VPS13A: variants seen among roughly 807,000 people sequenced by gnomAD.
VPS13A encodes vacuolar protein sorting 13 homolog A.
A neutral mutation model predicts 390.9 loss-of-function variants in VPS13A; 264 were observed. The ratio of observed to expected loss-of-function variants is 0.68; its 90% CI spans 0.61 to 0.75. The LOEUF (loss-of-function observed/expected upper bound fraction) is 0.75, where lower values mean the gene tolerates loss of function less well. Ranked by LOEUF, VPS13A falls within the 30% of genes least tolerant of loss-of-function variation. The probability of loss-of-function intolerance (pLI) is 0.00; values close to 1 mark genes in which losing one functional copy is unlikely to be tolerated. For missense variants in VPS13A, 3,409 were observed against 3,733.9 expected (o/e 0.91, Z 2.27); for synonymous variants, 1,231 against 1,227.1 (o/e 1.00, Z -0.07).
In VPS13A at chr9:77,421,309, G is replaced by A. The variant is rs1214022668; in HGVS notation, c.*5303G>A. 1 of 152,160 alleles carries A rather than the reference G, an allele frequency of 6.6e-6. No individual in the cohort carries two copies. Among genetic ancestry groups the A allele is most frequent in the Non-Finnish European group, 1.5e-5 (1 of 68,028 alleles). The allele number at this position is 152,160 out of a possible 1,614,324, so 9.4% of individuals were successfully genotyped here. A position where few individuals can be genotyped will look rare whatever the true frequency, so the allele number is the denominator to read the frequency against. On this transcript the variant is annotated 3_prime_UTR_variant, in exon 72 of 72. Transcript: ENST00000360280. ...GTTACACAGCCTCTGCCTTGGTTTT[G>A]TGTATTCTAAGATAATTTATAAACA... is the stretch of plus-strand genomic sequence containing the variant.
At chr9:77,404,362 T>G (rs1834505895) in intron 69 of VPS13A, among the ~76,000 whole-genome samples, 1 of 152,230 alleles carries the variant, frequency 6.6e-6, no homozygotes, top group African/African-American at 2.4e-5. Context: ...TGAAGATTAT[T>G]ACATGTCAAC....
Position 77,318,234 on chromosome 9 carries a change from G to T in VPS13A, c.4957-1G>T. ...AGACTTATTAATTTTTTTCCATTTA[G>T]GTTTCACCAGTTATTATAAATACTA... On this transcript the variant is annotated splice_acceptor_variant, in intron 40 of 71. Transcript: ENST00000360280. LOFTEE classifies it high-confidence loss of function. 1 of 1,576,960 alleles carries T rather than the reference G, an allele frequency of 6.3e-7. No individual in the cohort carries two copies. Among genetic ancestry groups the T allele is most frequent in the South Asian group, 1.2e-5 (1 of 86,056 alleles).
intron 71 of VPS13A, among the ~76,000 whole-genome samples, chr9:77,415,121 G>C (rs1835121381): frequency 6.6e-6 from 1 of 152,224 alleles, no homozygotes; most frequent in Non-Finnish European, 1.5e-5. Flanking sequence ...CAGGGAGACA[G>C]ATAAGCATGA....
At chr9:77,235,926 T>G (rs189697151) in intron 17 of VPS13A, among the ~76,000 whole-genome samples, 1 of 152,194 alleles carries the variant, frequency 6.6e-6, no homozygotes, top group Admixed American at 6.5e-5. Context: ...TTACTTTGAG[T>G]ATCCATACAA....
chr9:77,191,291 T>C (rs1044473486), intron 1 of VPS13A, among the ~76,000 whole-genome samples: 4 of 148,318 alleles, frequency 2.7e-5, no homozygotes, highest in Admixed American at 6.7e-5. Context: ...TTCTTTTTCT[T>C]CTTCTTTTTT....
intron 33 of VPS13A, among the ~76,000 whole-genome samples, chr9:77,299,298 A>G (rs1828198756): frequency 6.6e-6 from 1 of 152,156 alleles, no homozygotes; most frequent in South Asian, 2.1e-4. Context: ...CTGTGAAGAA[A>G]GTCAGTGGTA....
At chr9:77,369,114 G>C (rs533978382) in intron 62 of VPS13A, among the ~76,000 whole-genome samples, 185 bp from the exon 63 acceptor site, 2 of 152,282 alleles carry the variant, frequency 1.3e-5, no homozygotes, top group Admixed American at 1.3e-4. Flanking sequence ...CTGGGCAACA[G>C]AGCAGGACTG....
At chr9:77,307,184 C>T (rs1054468815) in intron 34 of VPS13A, among the ~76,000 whole-genome samples, 6 of 152,108 alleles carry the variant, frequency 3.9e-5, no homozygotes, top group Admixed American at 1.3e-4. Context: ...GGCTTACAGG[C>T]GTGACCCATC....
In VPS13A at chr9:77,281,904, A is replaced by G. The variant is rs887524257; in HGVS notation, c.2942A>G (p.Asn981Ser). Residue 981 changes from asparagine to serine, a missense_variant, in exon 28 of 72, where the codon AAC (asparagine) becomes AGC (serine). Physicochemically the swap from Asn to Ser is conservative, Grantham distance 46. Transcript: ENST00000360280. ...KNVPDLKSTY[N>S]NVLQLIKVNF... ...GTACCCGACTTGAAAAGTACCTATA[A>G]CAATGTTTTACAATTGATTAAGGTA... 2 of 1,594,034 alleles carry G rather than the reference A, an allele frequency of 1.3e-6. No homozygotes were observed. Among genetic ancestry groups the G allele is most frequent in the Admixed American group, 3.3e-5 (2 of 59,882 alleles).
chr9:77,229,826 CT>C (rs2131206034), intron 17 of VPS13A, among the ~76,000 whole-genome samples: 1 of 152,214 alleles, frequency 6.6e-6, no homozygotes, highest in South Asian at 2.1e-4. Context: ...ACTATTTAAC[CT>C]TTTGAGGAAC....
chr9:77,203,841 G>A (rs1825476650), intron 3 of VPS13A, among the ~76,000 whole-genome samples: 1 of 152,064 alleles, frequency 6.6e-6, no homozygotes, highest in African/African-American at 2.4e-5. Flanking sequence ...AATTTGAAAT[G>A]ATCCCCATGT....
intron 68 of VPS13A, among the ~76,000 whole-genome samples, chr9:77,395,054 A>G (rs1834066148): frequency 6.6e-6 from 1 of 152,174 alleles, no homozygotes; most frequent in South Asian, 2.1e-4. Flanking sequence ...TAACACTTTC[A>G]TAATACTTTC....
At chr9:77,390,084 A>C in intron 68 of VPS13A, 3 of 985,424 alleles carry the variant, frequency 3.0e-6, no homozygotes, top group Non-Finnish European at 3.6e-6. Flanking sequence ...AGGTCTTACT[A>C]TAGCAGTCAG....
intron 58 of VPS13A, among the ~76,000 whole-genome samples, 155 bp from the exon 59 acceptor site, chr9:77,360,381 T>C (rs1832075181): frequency 6.6e-6 from 1 of 152,142 alleles, no homozygotes; most frequent in Admixed American, 6.6e-5. Context: ...GTTGCTGTTA[T>C]TAACAGTGTT....
chr9:77,408,638 G>T (rs557948914), intron 71 of VPS13A, among the ~76,000 whole-genome samples: 2 of 152,350 alleles, frequency 1.3e-5, no homozygotes, highest in African/African-American at 4.8e-5. Flanking sequence ...CACACCAGGA[G>T]ATTATATCCC....
Position 77,377,395 on chromosome 9 carries a change from AT to A in VPS13A, c.9078-4576del, listed in dbSNP as rs1321658914. ...CCACCGCGCCCGGCTAATTTTTTGT[AT>A]TTTTAGTAGAGACGGGGTTTCACCT... is the stretch of plus-strand genomic sequence containing the variant. On this transcript the variant is annotated intron_variant, in intron 67 of 71. Coordinates refer to ENST00000360280, the MANE Select transcript of VPS13A (RefSeq NM_033305.3). Among the ~76,000 whole-genome samples, 62 of 151,272 alleles carry A rather than the reference AT, an allele frequency of 4.1e-4. 1 individual carries two copies. Among genetic ancestry groups the A allele is most frequent in the Middle Eastern group, 3.4e-3 (1 of 294 alleles).
In VPS13A at chr9:77,178,747, A is replaced by G. The variant is rs367652253; in HGVS notation, c.100+943A>G. Among the ~76,000 whole-genome samples the G allele has an allele frequency of 1.3e-3, 193 of 152,322 alleles. 7 individuals carry two copies. The South Asian group carries it at 0.039, about 31-fold the overall frequency. Reference sequence around the variant, plus strand: ...CGCTTGTTTATTTTAAACACCCGCTAGAAATTAGACTCCTTTGTGAAATGA... The same window carrying G: ...CGCTTGTTTATTTTAAACACCCGCTGGAAATTAGACTCCTTTGTGAAATGA... On this transcript the variant is annotated intron_variant, in intron 1 of 71. Coordinates refer to ENST00000360280, the MANE Select transcript of VPS13A (RefSeq NM_033305.3).
chr9:77,358,470 C>T (rs758547951), intron 57 of VPS13A, 32 bp downstream of exon 57: 1 of 1,528,902 alleles, frequency 6.5e-7, no homozygotes, highest in Non-Finnish European at 9.1e-7. Flanking sequence ...TCCATAAAAG[C>T]AGTTGTATTA....
At chr9:77,379,891 T>C (rs1031122281) in intron 67 of VPS13A, among the ~76,000 whole-genome samples, 3 of 152,232 alleles carry the variant, frequency 2.0e-5, no homozygotes, top group African/African-American at 7.2e-5. Flanking sequence ...ATTCAAGTTC[T>C]CTTTTTTCCT....
Sources: allele counts gnomAD v4.1 joint callset (sites outside exome capture counted in the v4.1 genomes callset), GRCh38; gene constraint gnomAD v4.1.1; transcripts MANE v1.5; gene names NCBI Gene and HGNC (gene_info 2026-07-23, HGNC 2026-07-21).